The following PPP1R9A variants were observed in gnomAD, a reference collection of about 807,000 sequenced individuals.
The protein encoded by PPP1R9A is protein phosphatase 1 regulatory subunit 9A.
PPP1R9A carries 59 observed loss-of-function variants against 141.9 expected under a neutral mutation model. The observed-to-expected ratio is 0.42, with a 90% CI of 0.34 to 0.52. The LOEUF is 0.52. PPP1R9A is among the 20% of genes least tolerant of loss of function. The pLI is 0.10. For synonymous variants in PPP1R9A, 500 were observed against 569.7 expected (o/e 0.88, Z 1.74); for missense variants, 1,444 against 1,611.9 (o/e 0.90, Z 1.78).
intron 2 of PPP1R9A, among the ~76,000 whole-genome samples, chr7:94,921,413 C>T (rs543148153): frequency 6.7e-6 from 1 of 150,108 alleles, no homozygotes; most frequent in Non-Finnish European, 1.5e-5. Flanking sequence ...CGCCACTGCA[C>T]TCCAGCCTGG....
intron 8 of PPP1R9A, among the ~76,000 whole-genome samples, chr7:95,230,151 A>T (rs536756038): frequency 1.3e-5 from 2 of 152,310 alleles, no homozygotes; most frequent in African/African-American, 4.8e-5. Flanking sequence ...GTGGGACAAA[A>T]GAATCTGAAC....
intron 2 of PPP1R9A, among the ~76,000 whole-genome samples, chr7:95,001,206 A>G (rs1463051123): frequency 6.6e-6 from 1 of 152,150 alleles, no homozygotes; most frequent in Non-Finnish European, 1.5e-5. Context: ...AATTCAGGGA[A>G]GGCTGTTATA....
intron 5 of PPP1R9A, among the ~76,000 whole-genome samples, chr7:95,177,291 TAC>T (rs765848838): frequency 6.6e-6 from 1 of 152,036 alleles, no homozygotes; most frequent in Admixed American, 6.6e-5. Flanking sequence ...GAAGGAAAGA[TAC>T]AGTCTTTTTC....
chr7:94,983,128 T>G (rs1800337276), intron 2 of PPP1R9A, among the ~76,000 whole-genome samples: 1 of 152,200 alleles, frequency 6.6e-6, no homozygotes, highest in Non-Finnish European at 1.5e-5. Context: ...TTGTCAAAGA[T>G]CAGATGGTTG....
At chr7:94,965,060 T>A (rs190941738) in intron 2 of PPP1R9A, among the ~76,000 whole-genome samples, 26 of 152,344 alleles carry the variant, frequency 1.7e-4, no homozygotes, top group Admixed American at 4.6e-4. Flanking sequence ...TTCATTTGTA[T>A]TTCTCTAATG....
chr7:94,933,714 C>A (rs935958831), intron 2 of PPP1R9A, among the ~76,000 whole-genome samples: 1 of 152,118 alleles, frequency 6.6e-6, no homozygotes, highest in Admixed American at 6.6e-5. Context: ...TTGGTCCTTA[C>A]AATAGCTGAT....
rs1798679131 is a variant in PPP1R9A, at chr7:95,250,189, G to A, written c.2330G>A (p.Ser777Asn). 1.2e-6 allele frequency: 2 copies of A among 1,613,832 alleles called. No homozygotes were observed. The highest frequency in any genetic ancestry group is 1.7e-6 in the Non-Finnish European group (2 of 1,179,936). The change falls in exon 10 of 20, where the codon AGC becomes AAC. Residue 777 changes from serine (S) to asparagine (N), a missense_variant. Physicochemically the swap from Ser to Asn is conservative, Grantham distance 46. Transcript: ENST00000433360. The part of the protein sequence containing the change: ...TVNEHLKETQ[S>N]QYQALEKKYN... ...AATGAGCATCTCAAAGAGACTCAAA[G>A]CCAGTATCAGGCCTTGGAAAAGAAA...
chr7:95,286,465 A>G (rs1460275603), intron 18 of PPP1R9A, 140 bp downstream of exon 18: 1 of 1,370,798 alleles, frequency 7.3e-7, no homozygotes, highest in Non-Finnish European at 9.6e-7. Context: ...TGAAGTCTTC[A>G]TGATTTCTCT....
chr7:94,950,430 T>C (rs918976518), intron 2 of PPP1R9A, among the ~76,000 whole-genome samples: 2 of 152,088 alleles, frequency 1.3e-5, no homozygotes, highest in African/African-American at 4.8e-5. Flanking sequence ...AGGGCAAGTT[T>C]TCTCATCTTG....
intron 2 of PPP1R9A, among the ~76,000 whole-genome samples, chr7:95,025,250 A>G (rs1171920542): frequency 6.6e-6 from 1 of 152,076 alleles, no homozygotes; most frequent in Non-Finnish European, 1.5e-5. Context: ...TATTTTTAGT[A>G]GAGACGGGGT....
In PPP1R9A at chr7:95,120,718, A is replaced by T; in HGVS notation, c.1535A>T (p.Asp512Val). ...CTTTTTTTCTTTTTAATAGATGAGG[A>T]TGGTCTTGGTATAAGTATTATTGGA... Reference protein sequence around the residue: ...LFPVELEKDEDGLGISIIGMG... With the variant: ...LFPVELEKDEVGLGISIIGMG... The change falls in exon 4 of 20, where the codon GAT becomes GTT. Residue 512 changes from aspartate to valine, a missense_variant. Asp to Val is a radical substitution (Grantham distance 152). This residue lies in a region of PPP1R9A where 488 missense variants were observed against 542.0 expected (regional missense o/e 0.90). Coordinates refer to ENST00000433360, the MANE Select transcript of PPP1R9A (RefSeq NM_001166160.2). The T allele has an allele frequency of 6.2e-7, 1 of 1,611,254 alleles. No individual in the cohort carries two copies. Among genetic ancestry groups the T allele is most frequent in the East Asian group, 2.2e-5 (1 of 44,834 alleles).
intron 2 of PPP1R9A, among the ~76,000 whole-genome samples, chr7:95,033,204 C>T (rs1330661467): frequency 1.5e-5 from 2 of 131,292 alleles, no homozygotes; most frequent in Non-Finnish European, 1.6e-5. Flanking sequence ...TTAGTAGAGA[C>T]GGGTTTTCAC....
At chr7:95,166,907 A>G (rs1321377074) in intron 5 of PPP1R9A, among the ~76,000 whole-genome samples, 3 of 152,246 alleles carry the variant, frequency 2.0e-5, no homozygotes, top group African/African-American at 7.2e-5. Flanking sequence ...AATGAAGGAC[A>G]AAAACCATAT....
intron 2 of PPP1R9A, among the ~76,000 whole-genome samples, chr7:95,082,606 G>A (rs1816028491): frequency 6.6e-6 from 1 of 151,712 alleles, no homozygotes; most frequent in Non-Finnish European, 1.5e-5. Flanking sequence ...ATGGCATGGG[G>A]GCGTGTGCCT....
rs1806683190 is a variant in PPP1R9A, at chr7:95,293,735, G to A, written c.*3432G>A. The A allele has an allele frequency of 6.6e-6, 1 of 152,206 alleles. No individual in the cohort carries two copies. The highest frequency in any genetic ancestry group is 2.4e-5 in the African/African-American group (1 of 41,452). 9.4% of individuals were successfully genotyped at this position (152,206 alleles called of 1,614,324 possible). A position where few individuals can be genotyped will look rare whatever the true frequency, so the allele number is the denominator to read the frequency against. On this transcript the variant is annotated 3_prime_UTR_variant, in exon 20 of 20. Coordinates refer to ENST00000433360, the MANE Select transcript of PPP1R9A (RefSeq NM_001166160.2). ...GTTTGATCTAGCACCTCGGCCGTTA[G>A]AGTTTGTGCTGAAGACAAATTTGTC...
intron 3 of PPP1R9A, among the ~76,000 whole-genome samples, chr7:95,118,958 A>G (rs1232552129): frequency 7.3e-5 from 11 of 150,494 alleles, no homozygotes; most frequent in Non-Finnish European, 1.0e-4. Context: ...CTCCAGCCTG[A>G]TCAACAGAGT....
At chr7:95,200,600 T>C (rs1789341073) in intron 6 of PPP1R9A, among the ~76,000 whole-genome samples, 1 of 152,110 alleles carries the variant, frequency 6.6e-6, no homozygotes. Flanking sequence ...TTTAACTTGA[T>C]AATTGGAATA....
chr7:95,276,442 T>A (rs1216678819), intron 16 of PPP1R9A, among the ~76,000 whole-genome samples: 2 of 152,206 alleles, frequency 1.3e-5, no homozygotes, highest in Admixed American at 1.3e-4. Context: ...GATGCCTGCT[T>A]TGAACCCACA....
rs151308016 is a variant in PPP1R9A at position 95,163,503 on chromosome 7, G to A, written c.1754+1532G>A. Among the ~76,000 whole-genome samples the A allele has an allele frequency of 7.6e-3, 1,158 of 152,270 alleles. 28 individuals carry two copies. The highest frequency in any genetic ancestry group is 0.04 in the Admixed American group (618 of 15,294). ...AATGCTTGCAACCAGAAGTGTTTCC[G>A]ATTTCAGATTGTTTTGGCATATTAA... On this transcript the variant is annotated intron_variant, in intron 5 of 19. Transcript: ENST00000433360.
Sources: allele counts gnomAD v4.1 joint callset (sites outside exome capture counted in the v4.1 genomes callset), GRCh38; gene constraint gnomAD v4.1.1; regional missense constraint gnomAD v4.1.1; transcripts MANE v1.5; gene names NCBI Gene and HGNC (gene_info 2026-07-23, HGNC 2026-07-21).